LRRC18: variants seen among roughly 807,000 people sequenced by gnomAD.
The protein encoded by LRRC18 is leucine rich repeat containing 18.
Under a neutral mutation model 11.2 loss-of-function variants are expected in LRRC18, and 12 were observed. That is an observed-to-expected ratio of 1.07 (90% confidence interval 0.69 to 1.74). The LOEUF (loss-of-function observed/expected upper bound fraction) is 1.74, where lower values mean the gene tolerates loss of function less well. Among genes scored for constraint, LRRC18 ranks in the 40% most tolerant of loss-of-function variants. The pLI is 0.00. For synonymous variants in LRRC18, 155 were observed against 130.6 expected, an observed-to-expected ratio of 1.19 and a Z score of -1.27; for missense variants, 374 against 330.5, an observed-to-expected ratio of 1.13 and a Z score of -1.02.
the LRRC18 span, among the ~76,000 whole-genome samples, chr10:48,922,018 G>A: frequency 6.6e-6 from 1 of 152,244 alleles, no homozygotes; most frequent in African/African-American, 2.4e-5. Flanking sequence ...CTGTTCACAG[G>A]TATTTATAGC....
At chr10:48,927,223 C>A in the LRRC18 span, among the ~76,000 whole-genome samples, 2 of 152,138 alleles carry the variant, frequency 1.3e-5, no homozygotes, top group Non-Finnish European at 2.9e-5. Context: ...ATGCCTCCCC[C>A]GAACCCTCCC....
chr10:48,915,278 C>T (rs1838409339), upstream of LRRC18, among the ~76,000 whole-genome samples: 1 of 152,134 alleles, frequency 6.6e-6, no homozygotes. Flanking sequence ...TAACAAGGTC[C>T]ACAGCATTAC....
At chr10:48,920,379 AG>A in the LRRC18 span, among the ~76,000 whole-genome samples, 1 of 108,730 alleles carries the variant, frequency 9.2e-6, no homozygotes, top group Non-Finnish European at 1.9e-5. Context: ...GGTGGGGGGA[AG>A]GGGGAGGGAT....
At chr10:48,937,770 G>C in the LRRC18 span, among the ~76,000 whole-genome samples, 3 of 152,178 alleles carry the variant, frequency 2.0e-5, no homozygotes, top group Admixed American at 2.0e-4. Flanking sequence ...GGTTTGAAAG[G>C]GTACGTCTGT....
At chr10:48,911,769 T>C (rs1254651372) in intron 1 of LRRC18, among the ~76,000 whole-genome samples, 1 of 152,240 alleles carries the variant, frequency 6.6e-6, no homozygotes, top group Non-Finnish European at 1.5e-5. Flanking sequence ...TTTAGTAGTA[T>C]GTTGTGGTTC....
intron 1 of LRRC18, chr10:48,910,786 C>T: frequency 3.0e-6 from 1 of 332,226 alleles, no homozygotes; most frequent in Non-Finnish European, 4.3e-6. Context: ...GCCAGCCAAG[C>T]AGTTGGCAGC....
chr10:48,931,071 A>G, the LRRC18 span, among the ~76,000 whole-genome samples: 6 of 141,426 alleles, frequency 4.2e-5, no homozygotes, highest in African/African-American at 1.3e-4. Context: ...AGGTACAAAC[A>G]CACATGCATG....
chr10:48,928,281 G>A, the LRRC18 span, among the ~76,000 whole-genome samples: 2 of 152,024 alleles, frequency 1.3e-5, no homozygotes, highest in Non-Finnish European at 2.9e-5. Context: ...CTCCTGTAAA[G>A]AGGATGTAAA....
the LRRC18 span, among the ~76,000 whole-genome samples, chr10:48,928,621 G>T: frequency 6.6e-6 from 1 of 152,126 alleles, no homozygotes; most frequent in Admixed American, 6.5e-5. Flanking sequence ...AGGCCCCCTC[G>T]TATCATGCTG....
the LRRC18 span, among the ~76,000 whole-genome samples, chr10:48,936,623 G>T: frequency 1.4e-5 from 2 of 146,230 alleles, no homozygotes; most frequent in East Asian, 3.9e-4. Context: ...GGATCACAAG[G>T]TCTGGAGATC....
the LRRC18 span, among the ~76,000 whole-genome samples, chr10:48,920,183 G>A: frequency 6.6e-6 from 1 of 152,130 alleles, no homozygotes; most frequent in Non-Finnish European, 1.5e-5. Context: ...ACATCTGCTA[G>A]TGATTAAAAA....
At chr10:48,929,754 A>G in the LRRC18 span, among the ~76,000 whole-genome samples, 35 of 152,150 alleles carry the variant, frequency 2.3e-4, no homozygotes, top group Admixed American at 4.6e-4. Context: ...GTCTGTCCCA[A>G]GCCCAGCTCC....
upstream of LRRC18, among the ~76,000 whole-genome samples, chr10:48,918,612 T>C (rs1838765344): frequency 6.6e-6 from 1 of 152,198 alleles, no homozygotes; most frequent in Non-Finnish European, 1.5e-5. Context: ...TGGATAAATT[T>C]ACCATTAGAA....
exon 1 of LRRC18, chr10:48,913,888 C>G (rs2133503355): frequency 6.2e-7 from 1 of 1,614,130 alleles, no homozygotes; most frequent in Non-Finnish European, 8.5e-7. Context: ...CCAATGGACT[C>G]AGGCAGCTTG....
In LRRC18 at chr10:48,913,823, G is replaced by A. The variant is rs41283295; in HGVS notation, c.333C>T (p.Asn111=). ...GTTGCTTCAGCTCCACGGGCAGCCCGTTGCTGGTCAGCCGGTTGTTGCTGA... is the reference window on the plus strand; with the variant it reads ...GTTGCTTCAGCTCCACGGGCAGCCCATTGCTGGTCAGCCGGTTGTTGCTGA... Residue 111 remains asparagine, a synonymous_variant, in exon 1 of 2, where the codon AAC becomes AAT. Transcript: ENST00000374160. The A allele has an allele frequency of 5.9e-3, 9,559 of 1,614,080 alleles. 38 individuals are homozygous for A. Among genetic ancestry groups the A allele is most frequent in the Non-Finnish European group, 7.5e-3 (8,906 of 1,179,998 alleles).
the LRRC18 span, among the ~76,000 whole-genome samples, chr10:48,921,060 C>T: frequency 6.6e-6 from 1 of 152,104 alleles, no homozygotes; most frequent in African/African-American, 2.4e-5. Flanking sequence ...TTAATGTCAA[C>T]TCTCCCCAAA....
Position 48,914,189 on chromosome 10 carries a change from G to A in LRRC18, c.-34C>T, listed in dbSNP as rs375199003. ...AGTAAGGGAGTGTTAGAAGTTTATT[G>A]TTCTGATTGGATAGTGATCAGTGTG... is the stretch of plus-strand genomic sequence containing the variant. On this transcript the variant is annotated 5_prime_UTR_variant, in exon 1 of 2. Transcript: ENST00000374160. 47 of 1,588,964 alleles carry A rather than the reference G, an allele frequency of 3.0e-5. 1 individual carries two copies. The East Asian group carries it at 8.3e-4, about 28-fold the overall frequency.
At chr10:48,915,100 C>T (rs1838391106), upstream of LRRC18, among the ~76,000 whole-genome samples, 1 of 152,168 alleles carries the variant, frequency 6.6e-6, no homozygotes, top group South Asian at 2.1e-4. Flanking sequence ...TCTTAAATTC[C>T]CAGTGCTTGT....
At chr10:48,939,053 G>T in the LRRC18 span, among the ~76,000 whole-genome samples, 3 of 152,266 alleles carry the variant, frequency 2.0e-5, no homozygotes, top group Admixed American at 1.3e-4. Flanking sequence ...CTCAATGCAG[G>T]CACCCAGCAA....
Sources: allele counts gnomAD v4.1 joint callset (sites outside exome capture counted in the v4.1 genomes callset), GRCh38; gene constraint gnomAD v4.1.1; transcripts MANE v1.5; gene names NCBI Gene and HGNC (gene_info 2026-07-23, HGNC 2026-07-21).